PROSER2: variants seen among roughly 807,000 people sequenced by gnomAD.
The protein encoded by PROSER2 is proline and serine-rich protein 2.
In PROSER2, 18 loss-of-function variants were observed where a neutral mutation model predicts 14.6. That is an observed-to-expected ratio of 1.23 (90% CI 0.85 to 1.83). The LOEUF (loss-of-function observed/expected upper bound fraction) is 1.83, where lower values mean the gene tolerates loss of function less well. PROSER2 is among the 40% of genes most tolerant of loss of function. The pLI, the probability that PROSER2 is intolerant of heterozygous loss-of-function variation, is 0.00. For synonymous variants in PROSER2, 367 were observed against 286.4 expected, an observed-to-expected ratio of 1.28 and a Z score of -2.84; for missense variants, 823 against 629.8, an observed-to-expected ratio of 1.31 and a Z score of -3.28.
Position 11,869,892 on chromosome 10 carries a change from G to T in PROSER2, c.794G>T (p.Arg265Leu), listed in dbSNP as rs753588585. 5.7e-6 allele frequency: 9 copies of T among 1,589,172 alleles called. No individual in the cohort carries two copies. Among genetic ancestry groups the T allele is most frequent in the Middle Eastern group, 1.9e-4 (1 of 5,214 alleles). ...ATCATCGTCACCAACGGCGCGGCCC[G>T]GGAGCCCCGCAGGACCCTGTCCAGG... ...SNIIVTNGAA[R>L]EPRRTLSRAA... Residue 265 changes from arginine to leucine, a missense_variant, in exon 4 of 4, where the codon CGG (arginine) becomes CTG (leucine). Coordinates refer to ENST00000277570, the MANE Select transcript of PROSER2 (RefSeq NM_153256.4). This position sits in a 1 kb window ranked among gnomAD's most constrained non-coding sequence, Gnocchi z 4.4.
At chr10:11,835,205 C>A (rs983456506) in intron 1 of PROSER2, among the ~76,000 whole-genome samples, 3 of 151,924 alleles carry the variant, frequency 2.0e-5, no homozygotes, top group African/African-American at 7.3e-5. Flanking sequence ...TTTCTTTTGA[C>A]CTTGGAGGAA....
intron 1 of PROSER2, among the ~76,000 whole-genome samples, chr10:11,848,159 TTTTG>T (rs199839829): frequency 0.017 from 2,575 of 151,962 alleles, 57 homozygotes; most frequent in African/African-American, 0.058. Flanking sequence ...TTTGTTTTGT[TTTTG>T]TTTGTTTGTT....
At chr10:11,825,683 A>C (rs1011079026) in intron 1 of PROSER2, among the ~76,000 whole-genome samples, 4 of 152,158 alleles carry the variant, frequency 2.6e-5, no homozygotes, top group African/African-American at 9.7e-5. Context: ...TTGAAACCTA[A>C]GAGTATTTTA....
Position 11,866,345 on chromosome 10 carries a change from C to A in PROSER2, c.139-186C>A, listed in dbSNP as rs570167836. ...AGGCTCTGTTGTTTGCTCTGCCTTT[C>A]GGAACACGTTCTCTTCCATCTGGGT... On this transcript the variant is annotated intron_variant, in intron 2 of 3. Coordinates refer to ENST00000277570, the MANE Select transcript of PROSER2 (RefSeq NM_153256.4). The surrounding 1 kb of genome is among the most constrained non-coding windows in gnomAD (Gnocchi z 6.0). Among the ~76,000 whole-genome samples, 2 of 152,238 alleles carry A rather than the reference C, an allele frequency of 1.3e-5. No individual in the cohort carries two copies. The highest frequency in any genetic ancestry group is 4.8e-5 in the African/African-American group (2 of 41,524).
chr10:11,825,321 G>A (rs1454751423), intron 1 of PROSER2, among the ~76,000 whole-genome samples: 3 of 152,170 alleles, frequency 2.0e-5, no homozygotes, highest in African/African-American at 7.2e-5. Context: ...GAGGCCATTC[G>A]GGAGGTGCCA....
At position 11,870,247 on chromosome 10, in the gene PROSER2, C is replaced by A; in HGVS notation, c.1149C>A (p.Phe383Leu). 6.7e-7 allele frequency: 1 copy of A among 1,487,394 alleles called. No individual in the cohort carries two copies. The highest frequency in any genetic ancestry group is 1.3e-5 in the South Asian group (1 of 79,634). The allele number at this position is 1,487,394 out of a possible 1,614,324, so 92.1% of individuals were successfully genotyped here. A position where few individuals can be genotyped will look rare whatever the true frequency, so the allele number is the denominator to read the frequency against. The change falls in exon 4 of 4, where the codon TTC becomes TTA. Residue 383 changes from phenylalanine (F) to leucine (L), a missense_variant. Coordinates refer to ENST00000277570, the MANE Select transcript of PROSER2 (RefSeq NM_153256.4). ...ALPSTRARQS[F>L]PGPRQPNGAQ... ...CCAGCACGCGGGCCCGTCAGAGCTT[C>A]CCCGGGCCCCGGCAGCCCAACGGCG...
chr10:11,840,096 G>A (rs1833815871), intron 1 of PROSER2, among the ~76,000 whole-genome samples: 1 of 151,316 alleles, frequency 6.6e-6, no homozygotes, highest in Admixed American at 6.6e-5. Flanking sequence ...GGGACTACAG[G>A]TACACTCCTC....
chr10:11,869,635 C>T lies in PROSER2; in HGVS notation c.537C>T (p.Ser179=). 1 of 1,596,452 alleles carries T rather than the reference C, an allele frequency of 6.3e-7. No homozygotes were observed. Among genetic ancestry groups the T allele is most frequent in the Non-Finnish European group, 8.5e-7 (1 of 1,171,022 alleles). Residue 179 remains serine (S), a synonymous_variant, in exon 4 of 4, where the codon TCC becomes TCT. Transcript: ENST00000277570. The surrounding 1 kb of genome is among the most constrained non-coding windows in gnomAD (Gnocchi z 4.4). ...CCAGGAGGGAGCTGCGCGCCCCCTCCCCGCCGGTGGAGCACCCCAGACTCC... is the reference window on the plus strand; with the variant it reads ...CCAGGAGGGAGCTGCGCGCCCCCTCTCCGCCGGTGGAGCACCCCAGACTCC... ...DPPRRELRAP[S]PPVEHPRLLR... is the part of the protein sequence containing the mutation.
chr10:11,826,336 C>T (rs1036885486), intron 1 of PROSER2, among the ~76,000 whole-genome samples: 3 of 152,000 alleles, frequency 2.0e-5, no homozygotes, highest in Non-Finnish European at 4.4e-5. Flanking sequence ...TGCTATGAAC[C>T]GTTGTGTACA....
At chr10:11,833,984 CTTTTTTTTTTTTTTT>C (rs35005102) in intron 1 of PROSER2, among the ~76,000 whole-genome samples, 5 of 48,226 alleles carry the variant, frequency 1.0e-4, no homozygotes, top group East Asian at 1.0e-3. Flanking sequence ...GTAGCTCTTT[CTTTTTTTTTTTTTTT>C]TTTTTTTTTT....
chr10:11,843,757 C>T (rs1395051957), intron 1 of PROSER2, among the ~76,000 whole-genome samples: 1 of 151,714 alleles, frequency 6.6e-6, no homozygotes, highest in Non-Finnish European at 1.5e-5. Flanking sequence ...GAGGCCGAGG[C>T]AGGGGAATCA....
At chr10:11,844,532 A>G (rs560408555) in intron 1 of PROSER2, among the ~76,000 whole-genome samples, 10 of 152,308 alleles carry the variant, frequency 6.6e-5, no homozygotes, top group South Asian at 6.2e-4. Context: ...TACACAATGC[A>G]TAGTATTTTA....
chr10:11,842,247 A>G (rs11257355), intron 1 of PROSER2, among the ~76,000 whole-genome samples: 65,335 of 151,554 alleles, frequency 0.43, 14,974 homozygotes, highest in East Asian at 0.74. Context: ...CAGTGTGACA[A>G]TGTTTTTATT....
intron 2 of PROSER2, among the ~76,000 whole-genome samples, chr10:11,861,256 C>T (rs999029749): frequency 2.0e-5 from 3 of 152,210 alleles, no homozygotes; most frequent in African/African-American, 7.2e-5. Flanking sequence ...GTCATTTCCT[C>T]TCTGAAGTTT....
chr10:11,864,592 CTTT>C (rs533338162), intron 2 of PROSER2, among the ~76,000 whole-genome samples: 1 of 139,642 alleles, frequency 7.2e-6, no homozygotes. Context: ...TTTTTTTTTT[CTTT>C]TTTTTTTTTT....
At chr10:11,858,957 C>T (rs533716243) in intron 2 of PROSER2, among the ~76,000 whole-genome samples, 6 of 134,818 alleles carry the variant, frequency 4.5e-5, no homozygotes, top group South Asian at 2.3e-4. Context: ...TGCAGTGAGC[C>T]GAGATTGTAT....
At position 11,870,073 on chromosome 10, in the gene PROSER2, C is replaced by T. The variant is rs1211539301; in HGVS notation, c.975C>T (p.Pro325=). The T allele has an allele frequency of 7.1e-6, 9 of 1,274,410 alleles. No individual in the cohort carries two copies. Among genetic ancestry groups the T allele is most frequent in the African/African-American group, 3.1e-5 (2 of 63,504 alleles). 78.9% of individuals were successfully genotyped at this position (1,274,410 alleles called of 1,614,324 possible). A position where few individuals can be genotyped will look rare whatever the true frequency, so the allele number is the denominator to read the frequency against. Residue 325 remains proline, a synonymous_variant, in exon 4 of 4, where the codon CCC becomes CCT. Transcript: ENST00000277570. ...RVARGRGLPG[P]AESLRAGGQA... ...CGCGTGGCCGGGGCCTGCCGGGCCC[C>T]GCTGAGAGTCTCCGGGCAGGGGGTC... is the stretch of plus-strand genomic sequence containing the variant.
At chr10:11,833,599 G>A (rs577946658) in intron 1 of PROSER2, among the ~76,000 whole-genome samples, 71 of 152,030 alleles carry the variant, frequency 4.7e-4, no homozygotes, top group Non-Finnish European at 9.0e-4. Context: ...GCTGAGGCAG[G>A]AGAATCTTTT....
chr10:11,869,522 CAAG>C lies in PROSER2; in HGVS notation c.426_428del (p.Gln142_Asp143delinsHis). On this transcript the variant is annotated inframe_deletion, in exon 4 of 4. Transcript: ENST00000277570. The surrounding 1 kb of genome is among the most constrained non-coding windows in gnomAD (Gnocchi z 4.4). ...ACCTGCTGGGAAGGAGCACAGGAAA[CAAG>C]ATGCTGAGACTCCTCCACCTCCAGA... 1 of 1,613,888 alleles carries C rather than the reference CAAG, an allele frequency of 6.2e-7. No homozygotes were observed. Among genetic ancestry groups the C allele is most frequent in the Non-Finnish European group, 8.5e-7 (1 of 1,179,864 alleles).
Sources: allele counts gnomAD v4.1 joint callset (sites outside exome capture counted in the v4.1 genomes callset), GRCh38; gene constraint gnomAD v4.1.1; non-coding constraint Gnocchi (gnomAD v3.1); transcripts MANE v1.5; gene names NCBI Gene and HGNC (gene_info 2026-07-23, HGNC 2026-07-21).